The following ZNF644 variants were observed in gnomAD, a reference collection of about 807,000 sequenced individuals.
The protein encoded by ZNF644 is zinc finger motif enhancer binding protein 2.
Under a neutral mutation model 108.0 loss-of-function variants are expected in ZNF644, and 20 were observed. That is an observed-to-expected ratio of 0.19 (90% CI 0.13 to 0.27). The LOEUF (loss-of-function observed/expected upper bound fraction) is 0.27. ZNF644 is among the 10% of genes least tolerant of loss of function. The pLI is 1.00. For missense variants in ZNF644, 1,338 were observed against 1,548.9 expected (o/e 0.86, Z 2.29); for synonymous variants, 542 against 539.1 (o/e 1.01, Z -0.08).
intron 1 of ZNF644, among the ~76,000 whole-genome samples, chr1:90,986,136 G>A (rs186421381): frequency 2.6e-5 from 4 of 152,106 alleles, no homozygotes; most frequent in African/African-American, 4.8e-5. Flanking sequence ...AGTTGGCACC[G>A]CTGGTTTTGC....
intron 2 of ZNF644, among the ~76,000 whole-genome samples, chr1:90,950,082 A>G (rs1311232361): frequency 1.3e-5 from 2 of 151,562 alleles, no homozygotes; most frequent in Non-Finnish European, 2.9e-5. Context: ...GTTCACGACC[A>G]GCCTGGGCAA....
At chr1:91,005,911 AG>A (rs1204022579) in intron 1 of ZNF644, among the ~76,000 whole-genome samples, 5 of 151,982 alleles carry the variant, frequency 3.3e-5, no homozygotes, top group Non-Finnish European at 7.4e-5. Flanking sequence ...TAAAGAACAC[AG>A]CAGAAATAGA....
At chr1:90,932,039 T>G (rs1044246900) in intron 4 of ZNF644, among the ~76,000 whole-genome samples, 8 of 152,148 alleles carry the variant, frequency 5.3e-5, no homozygotes, top group African/African-American at 1.7e-4. Flanking sequence ...AAGATGTCGG[T>G]GACCCCAGTA....
rs773464612 is a variant in ZNF644 at position 90,940,073 on chromosome 1, C to T, written c.1281G>A (p.Arg427=). The part of the protein sequence containing the change: ...VNFREKKHLH[R]HMMYHLDGNS... The stretch of plus-strand genomic sequence containing the variant: ...TCCCATCTAAATGATACATCATATG[C>T]CTGTGGAGGTGCTTCTTCTCCCTAA... Residue 427 remains arginine, a synonymous_variant, in exon 3 of 6, where the codon AGG becomes AGA. Coordinates refer to ENST00000337393, the MANE Select transcript of ZNF644 (RefSeq NM_201269.3). 2.0e-5 allele frequency: 32 copies of T among 1,614,034 alleles called. No individual in the cohort carries two copies. In the South Asian group the frequency reaches 2.6e-4, roughly 13 times the overall value.
intron 2 of ZNF644, among the ~76,000 whole-genome samples, chr1:90,948,304 G>A (rs1652727565): frequency 6.6e-6 from 1 of 152,160 alleles, no homozygotes; most frequent in African/African-American, 2.4e-5. Context: ...TGAAGCTTTT[G>A]CCCCAACCAT....
intron 1 of ZNF644, among the ~76,000 whole-genome samples, chr1:90,993,173 G>A (rs1657805811): frequency 6.6e-6 from 1 of 152,066 alleles, no homozygotes; most frequent in South Asian, 2.1e-4. Flanking sequence ...GGCTTCAAGA[G>A]ACATTGTATA....
chr1:90,957,859 T>C (rs1218967704), intron 2 of ZNF644, among the ~76,000 whole-genome samples: 1 of 152,194 alleles, frequency 6.6e-6, no homozygotes, highest in Non-Finnish European at 1.5e-5. Flanking sequence ...GACATAATTC[T>C]ATTCATAGAA....
chr1:91,002,062 A>G (rs1389839788), intron 1 of ZNF644, among the ~76,000 whole-genome samples: 2 of 152,234 alleles, frequency 1.3e-5, no homozygotes, highest in African/African-American at 4.8e-5. Context: ...TTCCATGCTC[A>G]TGGATAGGAA....
chr1:91,004,274 A>G (rs186233949), intron 1 of ZNF644, among the ~76,000 whole-genome samples: 45 of 152,292 alleles, frequency 3.0e-4, no homozygotes, highest in African/African-American at 1.0e-3. Context: ...CATCATCATA[A>G]AACTGCTGAA....
chr1:90,937,477 C>T lies in ZNF644; in HGVS notation c.3688+8G>A. The T allele has an allele frequency of 6.2e-7, 1 of 1,613,588 alleles. No individual in the cohort carries two copies. The highest frequency in any genetic ancestry group is 8.5e-7 in the Non-Finnish European group (1 of 1,179,608). ...CTGTGTATAGCATAGTCATAAACGT[C>T]CTCTTACCTGAGTGCATAGTCAAGT... On this transcript the variant is annotated splice_region_variant and intron_variant, in intron 4 of 5. Coordinates refer to ENST00000337393, the MANE Select transcript of ZNF644 (RefSeq NM_201269.3).
rs547979929 is a variant in ZNF644, at chr1:90,952,841, C to T, written c.45-11532G>A. 2.6e-5 allele frequency among the ~76,000 whole-genome samples: 4 copies of T among 151,896 alleles called. No individual in the cohort carries two copies. The South Asian group carries it at 8.3e-4, about 32-fold the overall frequency. On this transcript the variant is annotated intron_variant, in intron 2 of 5. Transcript: ENST00000337393. ...TGAGAATTTTGTAAAACTGACAAAA[C>T]ACATCAAGCCAAAGCTTCTGGGAGC...
chr1:90,938,639 A>AT lies in ZNF644; in HGVS notation c.2714dup (p.Asn905LysfsTer5). 6.2e-7 allele frequency: 1 copy of AT among 1,610,300 alleles called. No individual in the cohort carries two copies. The highest frequency in any genetic ancestry group is 8.5e-7 in the Non-Finnish European group (1 of 1,178,542). On this transcript the variant is annotated frameshift_variant, in exon 3 of 6. Coordinates refer to ENST00000337393, the MANE Select transcript of ZNF644 (RefSeq NM_201269.3). LOFTEE classifies it high-confidence loss of function. The surrounding 1 kb of genome is among the most constrained non-coding windows in gnomAD (Gnocchi z 4.2). ...CGTTTTGGTCATAACTAAGAGTAGC[A>AT]TTTTCTCCAGGCTCCTGACCTTCCA...
intron 2 of ZNF644, among the ~76,000 whole-genome samples, chr1:90,948,989 T>C (rs556709840): frequency 5.5e-4 from 84 of 152,232 alleles, no homozygotes; most frequent in African/African-American, 1.2e-3. Context: ...TTAGAAAATA[T>C]AAAATTAAAG....
At chr1:90,958,158 C>T (rs1557598186) in intron 2 of ZNF644, among the ~76,000 whole-genome samples, 1 of 146,786 alleles carries the variant, frequency 6.8e-6, no homozygotes, top group Admixed American at 6.9e-5. Context: ...ATCCCAGCTA[C>T]TCAGGAGGCT....
At chr1:90,948,225 T>C (rs904152010) in intron 2 of ZNF644, among the ~76,000 whole-genome samples, 7 of 152,246 alleles carry the variant, frequency 4.6e-5, no homozygotes, top group Non-Finnish European at 1.5e-5. Flanking sequence ...ATTTGCTTAA[T>C]GTTTATTCAG....
chr1:91,021,854 G>C (rs550306405), intron 1 of ZNF644, 136 bp downstream of exon 1: 2 of 397,730 alleles, frequency 5.0e-6, no homozygotes, highest in South Asian at 2.7e-4. Flanking sequence ...CTAGGGCGTA[G>C]CTCCCCGGGC....
At chr1:90,964,850 G>A (rs1383198790) in intron 2 of ZNF644, among the ~76,000 whole-genome samples, 1 of 152,036 alleles carries the variant, frequency 6.6e-6, no homozygotes, top group Non-Finnish European at 1.5e-5. Flanking sequence ...TTTAGTTTTA[G>A]AGTTAAAAAT....
chr1:90,966,003 G>A (rs1265145630), intron 2 of ZNF644, among the ~76,000 whole-genome samples: 1 of 152,020 alleles, frequency 6.6e-6, no homozygotes, highest in Non-Finnish European at 1.5e-5. Flanking sequence ...CACCCACCTC[G>A]GCCTCCCAAA....
At chr1:90,960,298 T>A (rs1012695947) in intron 2 of ZNF644, among the ~76,000 whole-genome samples, 16 of 152,160 alleles carry the variant, frequency 1.1e-4, no homozygotes, top group African/African-American at 3.6e-4. Flanking sequence ...AAGAAATTTG[T>A]GCAAGTTTTC....
Sources: allele counts gnomAD v4.1 joint callset (sites outside exome capture counted in the v4.1 genomes callset), GRCh38; gene constraint gnomAD v4.1.1; non-coding constraint Gnocchi (gnomAD v3.1); transcripts MANE v1.5; gene names NCBI Gene and HGNC (gene_info 2026-07-23, HGNC 2026-07-21).